The following COL4A1 variants were observed in gnomAD, a reference collection of about 807,000 sequenced individuals.
COL4A1 encodes collagen type IV alpha 1 chain, also known as collagen alpha-1(IV) chain.
In COL4A1, 40 loss-of-function variants were observed where a neutral mutation model predicts 216.6. The observed-to-expected ratio is 0.18, with a 90% confidence interval of 0.14 to 0.24. The LOEUF is 0.24. Among genes scored for constraint, COL4A1 ranks in the 10% least tolerant of loss-of-function variants. The pLI is 1.00. For synonymous variants in COL4A1, 839 were observed against 810.7 expected (o/e 1.03, Z -0.59); for missense variants, 1,628 against 2,196.8 (o/e 0.74, Z 5.18).
intron 1 of COL4A1, among the ~76,000 whole-genome samples, chr13:110,255,114 G>GT (rs1052785277): frequency 1.1e-4 from 16 of 152,222 alleles, no homozygotes; most frequent in African/African-American, 3.6e-4. Context: ...AACAGCCCAG[G>GT]TGTCGGCTTC....
intron 1 of COL4A1, among the ~76,000 whole-genome samples, chr13:110,290,067 T>G (rs1209178838): frequency 1.3e-5 from 2 of 152,242 alleles, no homozygotes; most frequent in African/African-American, 2.4e-5. Flanking sequence ...GCGTCACTCC[T>G]TCCAAAGGTG....
At chr13:110,292,188 G>A (rs1050650640) in intron 1 of COL4A1, among the ~76,000 whole-genome samples, 1 of 152,110 alleles carries the variant, frequency 6.6e-6, no homozygotes, top group African/African-American at 2.4e-5. Flanking sequence ...CTTCTTCCCT[G>A]GAAAATCTTT....
intron 1 of COL4A1, among the ~76,000 whole-genome samples, chr13:110,264,140 C>A (rs9559754): frequency 1.3e-5 from 2 of 152,048 alleles, no homozygotes; most frequent in Non-Finnish European, 2.9e-5. Context: ...GAAGGCTGAA[C>A]GGGGAGGAGG....
intron 40 of COL4A1, among the ~76,000 whole-genome samples, chr13:110,173,082 G>A (rs535585827): frequency 1.3e-5 from 2 of 152,264 alleles, no homozygotes; most frequent in East Asian, 3.9e-4. Context: ...GGGATTCTCA[G>A]ACAACCATCC....
rs774866712 is a variant in COL4A1, at chr13:110,206,710, C to T, written c.813G>A (p.Met271Ile). The T allele has an allele frequency of 8.7e-6, 14 of 1,614,038 alleles. No homozygotes were observed. In the South Asian group the frequency reaches 1.4e-4, roughly 16 times the overall value. ...GTTCACCTTTCTCTCCGACCCCTGGCATCCCCTTAAAGGAATAAAAAGACA... is the reference window on the plus strand; with the variant it reads ...GTTCACCTTTCTCTCCGACCCCTGGTATCCCCTTAAAGGAATAAAAAGACA... ...GQKGEPGFQG[M>I]PGVGEKGEPG... The change falls in exon 15 of 52, where the codon ATG becomes ATA. Residue 271 changes from methionine to isoleucine, a missense_variant. By Grantham distance (10) the Met-to-Ile change is conservative. Coordinates refer to ENST00000375820, the MANE Select transcript of COL4A1 (RefSeq NM_001845.6).
Position 110,209,518 on chromosome 13 carries a change from G to A in COL4A1, c.616-91C>T, listed in dbSNP as rs13378451. The stretch of plus-strand genomic sequence containing the variant: ...GGCTGACGTTATCTTAAGATTCTCT[G>A]GTCAACATGATAATTTATTTGTGAA... On this transcript the variant is annotated intron_variant, in intron 10 of 51. Coordinates refer to ENST00000375820, the MANE Select transcript of COL4A1 (RefSeq NM_001845.6). 600 of 927,506 alleles carry A rather than the reference G, an allele frequency of 6.5e-4. 4 individuals carry two copies. In the African/African-American group the frequency reaches 8.2e-3, roughly 13 times the overall value. 57.5% of individuals were successfully genotyped at this position (927,506 alleles called of 1,614,324 possible).
intron 29 of COL4A1, among the ~76,000 whole-genome samples, chr13:110,180,745 C>A (rs539575392): frequency 6.6e-6 from 1 of 152,238 alleles, no homozygotes; most frequent in Non-Finnish European, 1.5e-5. Context: ...GCAATCTGAT[C>A]GCCCTAGTGA....
At chr13:110,249,867 C>G (rs1881997598) in intron 1 of COL4A1, among the ~76,000 whole-genome samples, 1 of 152,160 alleles carries the variant, frequency 6.6e-6, no homozygotes, top group Admixed American at 6.5e-5. Context: ...TAACATTTTT[C>G]AACTTCCAAA....
rs58021914 is a variant in COL4A1, at chr13:110,246,358, T to A, written c.85-3624A>T. Among the ~76,000 whole-genome samples the A allele has an allele frequency of 6.1e-3, 911 of 150,188 alleles. 13 individuals carry two copies. Among genetic ancestry groups the A allele is most frequent in the African/African-American group, 0.021 (864 of 41,196 alleles). On this transcript the variant is annotated intron_variant, in intron 1 of 51. Transcript: ENST00000375820. ...TTCACTGCTAAAAAGAAAAAAAAAATACAAAGGATGACCTGAGTACCCCCT... is the reference window on the plus strand; with the variant it reads ...TTCACTGCTAAAAAGAAAAAAAAAAAACAAAGGATGACCTGAGTACCCCCT...
chr13:110,194,981 C>A (rs1282598585), intron 22 of COL4A1, 42 bp downstream of exon 22: 1 of 1,570,492 alleles, frequency 6.4e-7, no homozygotes, highest in Admixed American at 1.7e-5. Flanking sequence ...AAATCATACG[C>A]AAAGACACAA....
At chr13:110,286,221 C>G (rs140494423) in intron 1 of COL4A1, among the ~76,000 whole-genome samples, 2 of 152,310 alleles carry the variant, frequency 1.3e-5, no homozygotes, top group African/African-American at 4.8e-5. Flanking sequence ...TACACTGAAG[C>G]CAGTGGGACT....
intron 28 of COL4A1, among the ~76,000 whole-genome samples, chr13:110,182,407 T>C (rs570444508): frequency 6.6e-6 from 1 of 152,296 alleles, no homozygotes; most frequent in South Asian, 2.1e-4. Flanking sequence ...CACGTCCCTT[T>C]TGTGCTCACA....
At chr13:110,255,259 A>G (rs897822047) in intron 1 of COL4A1, among the ~76,000 whole-genome samples, 2 of 151,994 alleles carry the variant, frequency 1.3e-5, no homozygotes, top group Admixed American at 6.6e-5. Flanking sequence ...AAGTTTAGAG[A>G]TGAGGGAGAC....
At position 110,211,926 on chromosome 13, in the gene COL4A1, G is replaced by A; in HGVS notation, c.388-4C>T. On this transcript the variant is annotated splice_polypyrimidine_tract_variant and splice_region_variant and intron_variant, in intron 6 of 51. Transcript: ENST00000375820. The surrounding 1 kb of genome is among the most constrained non-coding windows in gnomAD (Gnocchi z 4.3). The stretch of plus-strand genomic sequence containing the variant: ...GCCCGAGCGGCCCTCTCTCCCCCTG[G>A]GGAGACAGCAGAGCATCATTCATAC... The A allele has an allele frequency of 6.2e-7, 1 of 1,614,072 alleles. No individual in the cohort carries two copies. Among genetic ancestry groups the A allele is most frequent in the Non-Finnish European group, 8.5e-7 (1 of 1,179,982 alleles).
At chr13:110,208,325 T>G (rs1029413898) in intron 12 of COL4A1, among the ~76,000 whole-genome samples, 6 of 152,288 alleles carry the variant, frequency 3.9e-5, no homozygotes, top group East Asian at 3.9e-4. Context: ...CCTGCCCACC[T>G]CTGAGAAGAG....
intron 43 of COL4A1, 87 bp from the exon 44 acceptor site, chr13:110,167,317 G>T: frequency 1.0e-6 from 1 of 983,840 alleles, no homozygotes; most frequent in Non-Finnish European, 1.7e-6. Context: ...AATGGAAACA[G>T]CCCCTCAATG....
chr13:110,247,575 G>A (rs1440885739), intron 1 of COL4A1, among the ~76,000 whole-genome samples: 3 of 152,060 alleles, frequency 2.0e-5, no homozygotes, highest in Non-Finnish European at 2.9e-5. Context: ...TACACAGTAC[G>A]AGTGCCAAAG....
In COL4A1 at chr13:110,207,934, T is replaced by G. The variant is rs1879595794; in HGVS notation, c.694-445A>C. On this transcript the variant is annotated intron_variant, in intron 12 of 51. Coordinates refer to ENST00000375820, the MANE Select transcript of COL4A1 (RefSeq NM_001845.6). The surrounding 1 kb of genome is among the most constrained non-coding windows in gnomAD (Gnocchi z 4.4). ...GGGCATCCTAACTGCCGGGTACGCCTAAAAATTACAACTGCATACATTTCA... is the reference window on the plus strand; with the variant it reads ...GGGCATCCTAACTGCCGGGTACGCCGAAAAATTACAACTGCATACATTTCA... 6.6e-6 allele frequency among the ~76,000 whole-genome samples: 1 copy of G among 152,194 alleles called. No individual in the cohort carries two copies. Among genetic ancestry groups the G allele is most frequent in the Admixed American group, 6.5e-5 (1 of 15,282 alleles).
intron 23 of COL4A1, among the ~76,000 whole-genome samples, chr13:110,192,504 C>T (rs1474021803): frequency 1.3e-5 from 2 of 152,136 alleles, no homozygotes; most frequent in Non-Finnish European, 1.5e-5. Flanking sequence ...CTTCCAGCAC[C>T]CCACACCTGC....
Sources: gnomAD v4.1 joint callset for allele counts (sites outside exome capture counted in the v4.1 genomes callset) on GRCh38, gnomAD v4.1.1 for gene constraint, Gnocchi (gnomAD v3.1) non-coding constraint, MANE v1.5 for transcripts, NCBI Gene and HGNC (gene_info 2026-07-23, HGNC 2026-07-21) for gene names.